The following DENND3 variants were observed in gnomAD, a reference collection of about 807,000 sequenced individuals.
DENND3 encodes DENN domain containing 3.
In DENND3, 88 loss-of-function variants were observed where a neutral mutation model predicts 135.1. The ratio of observed to expected loss-of-function variants is 0.65; its 90% CI spans 0.55 to 0.78. The LOEUF is 0.78. DENND3 is among the 30% of genes least tolerant of loss of function. DENND3 has a pLI of 0.00. For missense variants in DENND3, 1,392 were observed against 1,688.4 expected, an observed-to-expected ratio of 0.82 and a Z score of 3.08; for synonymous variants, 693 against 712.3, an observed-to-expected ratio of 0.97 and a Z score of 0.43.
intron 5 of DENND3, among the ~76,000 whole-genome samples, chr8:141,148,847 A>G (rs1818456010): frequency 6.6e-6 from 1 of 152,176 alleles, no homozygotes; most frequent in African/African-American, 2.4e-5. Context: ...CTGTGCCACA[A>G]CTTGGATAAT....
intron 9 of DENND3, among the ~76,000 whole-genome samples, chr8:141,161,630 T>C (rs1326258860): frequency 6.6e-6 from 1 of 152,196 alleles, no homozygotes; most frequent in Non-Finnish European, 1.5e-5. Context: ...GCAGTGTTCT[T>C]CCTCTCCTTC....
chr8:141,193,814 C>T (rs561424587), intron 22 of DENND3: 2 of 597,912 alleles, frequency 3.3e-6, no homozygotes, highest in East Asian at 2.8e-5. Context: ...GCACGCAGTG[C>T]AGTCTTCTTC....
At chr8:141,158,427 G>T in intron 8 of DENND3, 2 of 1,133,600 alleles carry the variant, frequency 1.8e-6, no homozygotes, top group Non-Finnish European at 2.2e-6. Flanking sequence ...TTAGAATTCC[G>T]GAATAGAAAC....
Position 141,141,077 on chromosome 8 carries a change from A to G in DENND3, c.502-126A>G, listed in dbSNP as rs902369316. The stretch of plus-strand genomic sequence containing the variant: ...GACCGGAGGGCCGGTGCTGGCTTGG[A>G]CGCGTTGCAGGGGTGGGGATGGTGG... On this transcript the variant is annotated intron_variant, in intron 3 of 22. Transcript: ENST00000519811. The surrounding 1 kb of genome is among the most constrained non-coding windows in gnomAD (Gnocchi z 5.3). The G allele has an allele frequency of 5.8e-5, 84 of 1,444,248 alleles. No individual in the cohort carries two copies. Among genetic ancestry groups the G allele is most frequent in the Non-Finnish European group, 8.0e-5 (84 of 1,049,576 alleles). 89.5% of individuals were successfully genotyped at this position (1,444,248 alleles called of 1,614,324 possible). A position where few individuals can be genotyped will look rare whatever the true frequency, so the allele number is the denominator to read the frequency against.
chr8:141,163,204 A>T (rs986862355), intron 9 of DENND3, 129 bp from the exon 10 acceptor site: 14 of 548,528 alleles, frequency 2.6e-5, no homozygotes, highest in Non-Finnish European at 4.6e-5. Context: ...GGTAATCAAG[A>T]ATCTTTCTGA....
chr8:141,147,956 A>C (rs979361186), intron 5 of DENND3, among the ~76,000 whole-genome samples: 4 of 152,210 alleles, frequency 2.6e-5, no homozygotes, highest in Non-Finnish European at 5.9e-5. Context: ...CAGCTCTCCC[A>C]TACCAAGTCT....
chr8:141,153,598 C>G (rs147005824), intron 7 of DENND3, among the ~76,000 whole-genome samples: 2 of 152,198 alleles, frequency 1.3e-5, no homozygotes, highest in Admixed American at 1.3e-4. Context: ...CCAGGGTCCC[C>G]GCTGCGGGGG....
At chr8:141,169,943 G>C (rs979443082) in intron 13 of DENND3, among the ~76,000 whole-genome samples, 19 of 152,172 alleles carry the variant, frequency 1.2e-4, no homozygotes, top group African/African-American at 4.6e-4. Flanking sequence ...AGTATGTGTG[G>C]GTCAGTTCCT....
At chr8:141,185,348 C>A (rs749361114) in intron 18 of DENND3, 70 bp downstream of exon 18, 38 of 1,591,354 alleles carry the variant, frequency 2.4e-5, no homozygotes, top group Middle Eastern at 3.3e-4. Flanking sequence ...GTGTGTTCAT[C>A]CATATTCGAC....
At chr8:141,171,691 G>A (rs1821585333) in intron 13 of DENND3, among the ~76,000 whole-genome samples, 1 of 152,226 alleles carries the variant, frequency 6.6e-6, no homozygotes, top group African/African-American at 2.4e-5. Flanking sequence ...TGTGCACAGT[G>A]GTCATAAGTG....
chr8:141,140,171 G>T (rs1817277547), intron 3 of DENND3, among the ~76,000 whole-genome samples: 1 of 152,104 alleles, frequency 6.6e-6, no homozygotes, highest in African/African-American at 2.4e-5. Flanking sequence ...AAAAGTGTTG[G>T]GATGACAGGT....
At position 141,136,526 on chromosome 8, in the gene DENND3, A is replaced by G; in HGVS notation, c.120A>G (p.Gly40=). The change falls in exon 2 of 23, where the codon GGA becomes GGG. Residue 40 remains glycine (G), a synonymous_variant. Coordinates refer to ENST00000519811, the MANE Select transcript of DENND3 (RefSeq NM_001352890.3). ...RSLEQVAYKK[G]VKHLSALLDP... is the part of the protein sequence containing the mutation. ...TTTTTTAGGTTGCTTATAAAAAGGGAGTCAAACATCTTTCTGCTCTTCTTG... is the reference window on the plus strand; with the variant it reads ...TTTTTTAGGTTGCTTATAAAAAGGGGGTCAAACATCTTTCTGCTCTTCTTG... 1 of 1,546,512 alleles carries G rather than the reference A, an allele frequency of 6.5e-7. No individual in the cohort carries two copies. The highest frequency in any genetic ancestry group is 2.4e-5 in the East Asian group (1 of 40,930).
At chr8:141,189,481 G>A (rs1589721541) in intron 19 of DENND3, among the ~76,000 whole-genome samples, 2 of 152,214 alleles carry the variant, frequency 1.3e-5, no homozygotes, top group African/African-American at 2.4e-5. Context: ...GCCTGGACTC[G>A]CCTGATAATC....
At position 141,189,072 on chromosome 8, in the gene DENND3, CTGCAACAAGCA is replaced by C. The variant is rs759664363; in HGVS notation, c.3172_3182del (p.Cys1058AlafsTer69). 6.2e-7 allele frequency: 1 copy of C among 1,614,220 alleles called. No individual in the cohort carries two copies. Among genetic ancestry groups the C allele is most frequent in the Non-Finnish European group, 8.5e-7 (1 of 1,180,032 alleles). ...ACATCATCAACGTCCACAGCATGTC[CTGCAACAAGCA>C]GCTCACAGCCCACTGCTCCAGTGTC... is the stretch of plus-strand genomic sequence containing the variant. On this transcript the variant is annotated frameshift_variant, in exon 19 of 23. Coordinates refer to ENST00000519811, the MANE Select transcript of DENND3 (RefSeq NM_001352890.3). LOFTEE classifies it high-confidence loss of function.
chr8:141,157,791 G>A, intron 8 of DENND3: 2 of 970,766 alleles, frequency 2.1e-6, no homozygotes, highest in Non-Finnish European at 2.4e-6. Context: ...ACAGGGTCTT[G>A]CTCTGTCACC....
intron 1 of DENND3, among the ~76,000 whole-genome samples, chr8:141,129,411 G>A (rs1419247938): frequency 6.6e-6 from 1 of 152,012 alleles, no homozygotes; most frequent in Non-Finnish European, 1.5e-5. Flanking sequence ...TCTCCCTTGC[G>A]GTACCACCCC....
chr8:141,190,096 C>T (rs985625511), intron 19 of DENND3, among the ~76,000 whole-genome samples, 188 bp from the exon 20 acceptor site: 38 of 114,132 alleles, frequency 3.3e-4, no homozygotes, highest in Non-Finnish European at 4.0e-4. Flanking sequence ...AGCATGTTTG[C>T]ATGTTATTAT....
At chr8:141,171,885 T>A (rs552726788) in intron 13 of DENND3, among the ~76,000 whole-genome samples, 2 of 149,290 alleles carry the variant, frequency 1.3e-5, no homozygotes, top group East Asian at 4.0e-4. Context: ...TGCATGGTGA[T>A]GGGCATGCAC....
Position 141,141,556 on chromosome 8 carries a change from C to G in DENND3, c.623+232C>G, listed in dbSNP as rs773095296. ...AGGGGGTGTGGCAGCGGGCGCTCCT[C>G]TCTGTGACTGGTAACATACGGTAAT... On this transcript the variant is annotated intron_variant, in intron 4 of 22. Transcript: ENST00000519811. This position sits in a 1 kb window ranked among gnomAD's most constrained non-coding sequence, Gnocchi z 5.3. 3.6e-6 allele frequency: 2 copies of G among 553,932 alleles called. No individual in the cohort carries two copies. Among genetic ancestry groups the G allele is most frequent in the African/African-American group, 1.9e-5 (1 of 53,058 alleles). 34.3% of individuals were successfully genotyped at this position (553,932 alleles called of 1,614,324 possible).
Sources: gnomAD v4.1 joint callset for allele counts (sites outside exome capture counted in the v4.1 genomes callset) on GRCh38, gnomAD v4.1.1 for gene constraint, Gnocchi (gnomAD v3.1) non-coding constraint, MANE v1.5 for transcripts, NCBI Gene and HGNC (gene_info 2026-07-23, HGNC 2026-07-21) for gene names.